DHRS4L2: variants seen among roughly 807,000 people sequenced by gnomAD.
DHRS4L2 encodes dehydrogenase/reductase SDR family member 4-like 2.
In DHRS4L2, 22 loss-of-function variants were observed where a neutral mutation model predicts 23.9. The ratio of observed to expected loss-of-function variants is 0.92; its 90% confidence interval spans 0.66 to 1.31. The LOEUF (loss-of-function observed/expected upper bound fraction) is 1.31, where lower values mean the gene tolerates loss of function less well. Ranked by LOEUF, DHRS4L2 falls within the 40% of genes most tolerant of loss-of-function variation. The probability of loss-of-function intolerance (pLI) is 0.00; values close to 1 mark genes in which losing one functional copy is unlikely to be tolerated. For missense variants in DHRS4L2, 385 were observed against 303.3 expected (o/e 1.27, Z -2.00); for synonymous variants, 141 against 123.7 (o/e 1.14, Z -0.93).
chr14:23,998,121 A>C (rs2034418400), intron 3 of DHRS4L2, among the ~76,000 whole-genome samples: 1 of 151,944 alleles, frequency 6.6e-6, no homozygotes, highest in South Asian at 2.1e-4. Context: ...GTCAATGAGC[A>C]GTAACAGTTT....
In DHRS4L2 at chr14:24,004,370, A is replaced by T. The variant is rs1389173658; in HGVS notation, c.699A>T (p.Ter233CysextTer6). Residue 233 changes from the stop codon to cysteine, a stop_lost, in exon 7 of 8, where the codon TGA becomes TGT. Transcript: ENST00000335125. ...SGWTRKKRKA* is the reference protein window; with the variant it reads ...SGWTRKKRKAC ...GGACAAGGAAAAAGAGGAAAGCATG[A>T]AAGAAACCCTGCGGATAAGAAGGTA... 1 of 1,604,528 alleles carries T rather than the reference A, an allele frequency of 6.2e-7. No individual in the cohort carries two copies. The highest frequency in any genetic ancestry group is 8.5e-7 in the Non-Finnish European group (1 of 1,178,626).
Position 24,001,046 on chromosome 14 carries a change from G to A in DHRS4L2, c.493G>A (p.Val165Met). Residue 165 changes from valine (V) to methionine (M), a missense_variant, in exon 5 of 8, where the codon GTG (valine) becomes ATG (methionine). Coordinates refer to ENST00000335125, the MANE Select transcript of DHRS4L2 (RefSeq NM_198083.4). ...EMEKRGGGSV[V>M]IVSSIAAFSP... ...TTCTTTTTCCAGAGGCGGCTCAGTG[G>A]TGATCGTGTCTTCCATAGCAGCCTT... is the stretch of plus-strand genomic sequence containing the variant. 6.2e-7 allele frequency: 1 copy of A among 1,611,416 alleles called. No individual in the cohort carries two copies. The highest frequency in any genetic ancestry group is 1.4e-5 in the African/African-American group (1 of 73,568).
Position 24,006,008 on chromosome 14 carries a change from G to C in DHRS4L2, c.*145G>C, listed in dbSNP as rs750508789. ...ACCCCGTCCCGCCTCTGAGGACCGGGAGACAGCCCACAGGCCAGAGTTGGG... is the reference window on the plus strand; with the variant it reads ...ACCCCGTCCCGCCTCTGAGGACCGGCAGACAGCCCACAGGCCAGAGTTGGG... On this transcript the variant is annotated 3_prime_UTR_variant, in exon 8 of 8. Coordinates refer to ENST00000335125, the MANE Select transcript of DHRS4L2 (RefSeq NM_198083.4). 25 of 1,604,894 alleles carry C rather than the reference G, an allele frequency of 1.6e-5. No homozygotes were observed. The African/African-American group carries it at 2.3e-4, about 15-fold the overall frequency.
chr14:23,971,317 T>A (rs777000150), intron 1 of DHRS4L2, among the ~76,000 whole-genome samples: 1 of 152,010 alleles, frequency 6.6e-6, no homozygotes, highest in East Asian at 1.9e-4. Flanking sequence ...AATGACCTGA[T>A]GGAGCTGATA....
In DHRS4L2 at chr14:23,973,375, C is replaced by T. The variant is rs769344634; in HGVS notation, c.-176+3043C>T. On this transcript the variant is annotated intron_variant, in intron 1 of 5. Coordinates refer to the DHRS4L2 transcript ENST00000534993. ...TCCCGCCCATGCCTCTCCCTCCACA[C>T]CTCCCTGCAATCTGAGGAAGCCAGC... Among the ~76,000 whole-genome samples, 53 of 151,916 alleles carry T rather than the reference C, an allele frequency of 3.5e-4. 1 individual carries two copies. The highest frequency in any genetic ancestry group is 6.3e-4 in the Non-Finnish European group (43 of 68,002).
chr14:24,002,164 A>T (rs2034505351), intron 6 of DHRS4L2, among the ~76,000 whole-genome samples: 1 of 83,504 alleles, frequency 1.2e-5, no homozygotes, highest in Non-Finnish European at 2.0e-5. Context: ...CCAGAGTGTG[A>T]TATTCCCCTT....
intron 1 of DHRS4L2, among the ~76,000 whole-genome samples, chr14:23,972,112 C>T (rs200300194): frequency 6.6e-6 from 1 of 151,980 alleles, no homozygotes; most frequent in African/African-American, 2.4e-5. Flanking sequence ...ACACATAGGC[C>T]CAAAATGAAG....
intron 2 of DHRS4L2, among the ~76,000 whole-genome samples, chr14:23,992,634 C>T (rs375576510): frequency 1.3e-5 from 2 of 151,322 alleles, no homozygotes; most frequent in Admixed American, 6.6e-5. Context: ...CAAACAGCTC[C>T]TAACCGCTTT....
intron 2 of DHRS4L2, among the ~76,000 whole-genome samples, chr14:23,994,289 G>C (rs1244033215): frequency 6.6e-6 from 1 of 151,696 alleles, no homozygotes. Context: ...AATAGATTTT[G>C]GGGTGAGACT....
chr14:23,994,275 T>C (rs1213973786), intron 2 of DHRS4L2, among the ~76,000 whole-genome samples: 2 of 151,640 alleles, frequency 1.3e-5, no homozygotes, highest in Admixed American at 6.6e-5. Flanking sequence ...AGGAGGGGTC[T>C]GGAAATAGAT....
Position 23,999,357 on chromosome 14 carries a change from A to C in DHRS4L2, c.409-1506A>C, listed in dbSNP as rs960440349. Among the ~76,000 whole-genome samples, 17 of 141,680 alleles carry C rather than the reference A, an allele frequency of 1.2e-4. 1 individual carries two copies. The highest frequency in any genetic ancestry group is 4.2e-4 in the African/African-American group (16 of 38,286). 92.9% of individuals were successfully genotyped at this position (141,680 alleles called of 152,430 possible). ...AACTCCAATTTGTAAAAAAAAAAAAAAAAAAAAAAAAAAAAAACAATATCT... is the reference window on the plus strand; with the variant it reads ...AACTCCAATTTGTAAAAAAAAAAAACAAAAAAAAAAAAAAAAACAATATCT... On this transcript the variant is annotated intron_variant, in intron 3 of 7. Transcript: ENST00000335125.
rs1338648092 is a variant in DHRS4L2 at position 24,001,494 on chromosome 14, A to C, written c.642A>C (p.Leu214Phe). The change falls in exon 6 of 8, where the codon TTA becomes TTC. Residue 214 changes from leucine (L) to phenylalanine (F), a missense_variant. By Grantham distance (22) the Leu-to-Phe change is conservative (BLOSUM62 0). Transcript: ENST00000335125. ...NIRVNCLHLD[L>F]SRLASAGCSG... ...GGGTGAACTGCCTGCACCTGGACTT[A>C]TCAAGACTAGCTTCAGCAGGATGGT... The C allele has an allele frequency of 1.2e-6, 2 of 1,603,342 alleles. No homozygotes were observed. The highest frequency in any genetic ancestry group is 1.4e-5 in the African/African-American group (1 of 69,794).
intron 1 of DHRS4L2, among the ~76,000 whole-genome samples, chr14:23,983,638 C>T (rs1594457928): frequency 1.3e-5 from 2 of 151,632 alleles, no homozygotes; most frequent in East Asian, 1.9e-4. Context: ...ACCCAAATGC[C>T]CATCAATGAT....
chr14:23,999,945 T>G (rs2034454657), intron 3 of DHRS4L2, among the ~76,000 whole-genome samples: 1 of 136,008 alleles, frequency 7.4e-6, no homozygotes, highest in Non-Finnish European at 1.5e-5. Context: ...TCCACCCATC[T>G]TGGCCTCCCG....
chr14:23,996,050 G>C (rs1019397238), intron 3 of DHRS4L2, among the ~76,000 whole-genome samples: 1 of 151,674 alleles, frequency 6.6e-6, no homozygotes, highest in Non-Finnish European at 1.5e-5. Flanking sequence ...AGGAAAAAGG[G>C]AGCAAGTGTG....
intron 2 of DHRS4L2, among the ~76,000 whole-genome samples, chr14:23,991,981 C>T (rs1484399532): frequency 1.3e-5 from 2 of 151,424 alleles, no homozygotes; most frequent in Non-Finnish European, 2.9e-5. Flanking sequence ...GGTGATCCAC[C>T]CCCTCGGCCT....
At chr14:23,999,914 G>C (rs1334383961) in intron 3 of DHRS4L2, among the ~76,000 whole-genome samples, 1 of 128,590 alleles carries the variant, frequency 7.8e-6, no homozygotes, top group Non-Finnish European at 1.6e-5. Flanking sequence ...GGCTGTTCTC[G>C]AACTCCTGAC....
At chr14:23,986,261 C>T (rs1269935405), upstream of DHRS4L2, among the ~76,000 whole-genome samples, 1 of 151,160 alleles carries the variant, frequency 6.6e-6, no homozygotes, top group Non-Finnish European at 1.5e-5. Flanking sequence ...TCACAGGCCC[C>T]CTGTGAGAAC....
chr14:23,994,683 A>G lies in DHRS4L2; in HGVS notation c.307-349A>G, dbSNP rs368156811. ...AGTCTGGATGACAGAGCAAGACTCC[A>G]TCTAAAAAAGAAAGAAGCCAACCTT... On this transcript the variant is annotated intron_variant, in intron 2 of 7. Transcript: ENST00000335125. 6.1e-3 allele frequency among the ~76,000 whole-genome samples: 874 copies of G among 144,054 alleles called. 2 individuals are homozygous for G. The highest frequency in any genetic ancestry group is 0.014 in the Middle Eastern group (4 of 282). The allele number at this position is 144,054 out of a possible 152,430, so 94.5% of individuals were successfully genotyped here. A position where few individuals can be genotyped will look rare whatever the true frequency, so the allele number is the denominator to read the frequency against.
Sources: allele counts gnomAD v4.1 joint callset (sites outside exome capture counted in the v4.1 genomes callset), GRCh38; gene constraint gnomAD v4.1.1; transcripts MANE v1.5; gene names NCBI Gene and HGNC (gene_info 2026-07-23, HGNC 2026-07-21).